TBC1D12: variants seen among roughly 807,000 people sequenced by gnomAD.
TBC1D12 encodes TBC1 domain family member 12.
A neutral mutation model predicts 86.7 loss-of-function variants in TBC1D12; 56 were observed. That is an observed-to-expected ratio of 0.65 (90% CI 0.52 to 0.81). TBC1D12 has a LOEUF of 0.81. TBC1D12 is among the 30% of genes least tolerant of loss of function. The pLI, the probability that TBC1D12 is intolerant of heterozygous loss-of-function variation, is 0.00. For synonymous variants in TBC1D12, 421 were observed against 411.7 expected (o/e 1.02, Z -0.27); for missense variants, 1,023 against 1,038.8 (o/e 0.98, Z 0.21).
chr10:94,431,298 C>G (rs1293405404), intron 1 of TBC1D12, among the ~76,000 whole-genome samples: 2 of 151,684 alleles, frequency 1.3e-5, no homozygotes, highest in Non-Finnish European at 2.9e-5. Context: ...ACCTGTAATC[C>G]CAGCTACTTG....
At chr10:94,521,221 C>CAAAAAAAAAAAAAAA (rs1294257279) in intron 9 of TBC1D12, among the ~76,000 whole-genome samples, 1 of 48,548 alleles carries the variant, frequency 2.1e-5, no homozygotes, top group Non-Finnish European at 4.6e-5. Context: ...AAAAAGAAAC[C>CAAAAAAAAAAAAAAA]AAAAAAAAAA....
chr10:94,409,380 T>C (rs987720662), intron 1 of TBC1D12, among the ~76,000 whole-genome samples: 8 of 149,948 alleles, frequency 5.3e-5, no homozygotes, highest in African/African-American at 1.7e-4. Context: ...TTAACTTTTT[T>C]TTTTTTTTTT....
At chr10:94,493,534 A>T in intron 4 of TBC1D12, 87 bp downstream of exon 4, 1 of 993,012 alleles carries the variant, frequency 1.0e-6, no homozygotes, top group Non-Finnish European at 1.5e-6. Flanking sequence ...CTTCAAGATG[A>T]TACTGAATTC....
At chr10:94,467,222 T>G (rs1472971570) in intron 2 of TBC1D12, among the ~76,000 whole-genome samples, 2 of 150,618 alleles carry the variant, frequency 1.3e-5, no homozygotes, top group African/African-American at 2.4e-5. Flanking sequence ...TGTAGTCGAG[T>G]TTTTTTTTGT....
intron 9 of TBC1D12, among the ~76,000 whole-genome samples, chr10:94,521,234 A>C (rs1456433543): frequency 2.8e-5 from 4 of 142,958 alleles, no homozygotes; most frequent in East Asian, 1.9e-4. Context: ...AAAAAAAAAA[A>C]AAACAAAAAA....
chr10:94,434,189 T>A (rs2055260400), intron 1 of TBC1D12, among the ~76,000 whole-genome samples: 1 of 152,170 alleles, frequency 6.6e-6, no homozygotes, highest in Non-Finnish European at 1.5e-5. Flanking sequence ...GATAAATTGA[T>A]AGCTCCTCAG....
chr10:94,468,533 T>G (rs1428880714), intron 2 of TBC1D12, among the ~76,000 whole-genome samples: 1 of 152,188 alleles, frequency 6.6e-6, no homozygotes, highest in Non-Finnish European at 1.5e-5. Flanking sequence ...TTGACTGGAA[T>G]AATTTTAGGG....
chr10:94,444,061 C>G (rs980461909), intron 2 of TBC1D12, among the ~76,000 whole-genome samples: 2 of 151,468 alleles, frequency 1.3e-5, no homozygotes, highest in Non-Finnish European at 2.9e-5. Flanking sequence ...GTCCCAGCTA[C>G]TTGGGGGATG....
intron 2 of TBC1D12, among the ~76,000 whole-genome samples, chr10:94,455,515 G>T (rs966932473): frequency 2.0e-5 from 3 of 152,140 alleles, no homozygotes; most frequent in Non-Finnish European, 4.4e-5. Flanking sequence ...ACCCATCTGG[G>T]TCTGTGCTTT....
In TBC1D12 at chr10:94,535,137, G is replaced by A. The variant is rs1256593081; in HGVS notation, c.*2041G>A. ...CAATTGACATTGTCTTTCCAAGAGT[G>A]AATGCATTGGCTTTCGGAACTGCTA... On this transcript the variant is annotated 3_prime_UTR_variant, in exon 13 of 13. Coordinates refer to ENST00000225235, the MANE Select transcript of TBC1D12 (RefSeq NM_015188.2). 3 of 152,120 alleles carry A rather than the reference G, an allele frequency of 2.0e-5. No homozygotes were observed. The highest frequency in any genetic ancestry group is 4.4e-5 in the Non-Finnish European group (3 of 68,032). 9.4% of individuals were successfully genotyped at this position (152,120 alleles called of 1,614,324 possible).
intron 11 of TBC1D12, among the ~76,000 whole-genome samples, chr10:94,523,350 C>T (rs1842206311): frequency 6.6e-6 from 1 of 151,898 alleles, no homozygotes; most frequent in South Asian, 2.1e-4. Flanking sequence ...CATTCAATGC[C>T]TAGCACATAC....
At chr10:94,483,863 G>A (rs1327112107) in intron 3 of TBC1D12, among the ~76,000 whole-genome samples, 1 of 152,174 alleles carries the variant, frequency 6.6e-6, no homozygotes, top group Non-Finnish European at 1.5e-5. Flanking sequence ...CCAGTCCAGT[G>A]TCCTGGAGAG....
intron 1 of TBC1D12, among the ~76,000 whole-genome samples, chr10:94,411,999 A>G (rs1459533977): frequency 2.0e-5 from 3 of 152,156 alleles, no homozygotes; most frequent in Non-Finnish European, 4.4e-5. Flanking sequence ...CAGATTGTCA[A>G]CTAGGTTTTA....
chr10:94,437,567 C>T (rs1219123071), intron 1 of TBC1D12, among the ~76,000 whole-genome samples: 1 of 152,096 alleles, frequency 6.6e-6, no homozygotes, highest in East Asian at 1.9e-4. Flanking sequence ...ACTTTGTGAT[C>T]CACTTGCCTT....
intron 1 of TBC1D12, among the ~76,000 whole-genome samples, chr10:94,428,464 T>C (rs891261524): frequency 6.7e-6 from 1 of 149,046 alleles, no homozygotes; most frequent in East Asian, 2.0e-4. Context: ...ATTTTTATAC[T>C]TTTTGTGGAA....
At chr10:94,509,758 C>G (rs1227800392) in intron 7 of TBC1D12, 1 of 257,646 alleles carries the variant, frequency 3.9e-6, no homozygotes, top group East Asian at 1.5e-4. Flanking sequence ...CTATTGATCT[C>G]TCTGTGTCCA....
In TBC1D12 at chr10:94,500,241, G is replaced by T; in HGVS notation, c.1433G>T (p.Arg478Leu). The change falls in exon 6 of 13, where the codon CGA becomes CTA. Residue 478 changes from arginine (R) to leucine (L), a missense_variant. Coordinates refer to ENST00000225235, the MANE Select transcript of TBC1D12 (RefSeq NM_015188.2). ...TCTAGGCGTAGTACAAGAAGAGTTC[G>T]AGAATTGTGGTGGCAGGGATTGCCC... is the stretch of plus-strand genomic sequence containing the variant. ...WEVMRSTRRV[R>L]ELWWQGLPPS... 1 of 1,613,808 alleles carries T rather than the reference G, an allele frequency of 6.2e-7. No homozygotes were observed. The highest frequency in any genetic ancestry group is 8.5e-7 in the Non-Finnish European group (1 of 1,179,896).
chr10:94,485,954 A>G (rs1300288594), intron 3 of TBC1D12, among the ~76,000 whole-genome samples: 1 of 152,036 alleles, frequency 6.6e-6, no homozygotes, highest in Non-Finnish European at 1.5e-5. Context: ...GGTATCAGTT[A>G]TAATGTCTCC....
At chr10:94,435,096 A>G (rs993834575) in intron 1 of TBC1D12, among the ~76,000 whole-genome samples, 11 of 152,198 alleles carry the variant, frequency 7.2e-5, no homozygotes, top group Admixed American at 2.6e-4. Flanking sequence ...AGAATTTTCT[A>G]TTCTTCTGTC....
Sources: gnomAD v4.1 joint callset for allele counts (sites outside exome capture counted in the v4.1 genomes callset) on GRCh38, gnomAD v4.1.1 for gene constraint, MANE v1.5 for transcripts, NCBI Gene and HGNC (gene_info 2026-07-23, HGNC 2026-07-21) for gene names.